Variants in RIT2 observed in about 807,000 individuals in gnomAD.
RIT2 encodes Ras like without CAAX 2, also known as GTP-binding protein Rit2.
A neutral mutation model predicts 23.7 loss-of-function variants in RIT2; 24 were observed. The observed-to-expected ratio is 1.01, with a 90% confidence interval of 0.73 to 1.43. RIT2 has a LOEUF of 1.43. Among genes scored for constraint, RIT2 ranks in the 40% most tolerant of loss-of-function variants. The pLI is 0.00. For synonymous variants in RIT2, 107 were observed against 91.1 expected, an observed-to-expected ratio of 1.17 and a Z score of -0.99; for missense variants, 236 against 266.9, an observed-to-expected ratio of 0.88 and a Z score of 0.81.
At chr18:42,846,292 T>C (rs959635006) in intron 4 of RIT2, among the ~76,000 whole-genome samples, 8 of 151,736 alleles carry the variant, frequency 5.3e-5, no homozygotes. Context: ...AGAAAAATAA[T>C]ACATAAAAGC....
At position 43,045,485 on chromosome 18, in the gene RIT2, G is replaced by T. The variant is rs8098915; in HGVS notation, c.104-11618C>A. On this transcript the variant is annotated intron_variant, in intron 1 of 4. Coordinates refer to ENST00000326695, the MANE Select transcript of RIT2 (RefSeq NM_002930.4). The stretch of plus-strand genomic sequence containing the variant: ...ACTAATGGGCACCAACGTATACCCG[G>T]GGCTGAAGGTTTTACTTTCATTGGT... Among the ~76,000 whole-genome samples the T allele has an allele frequency of 9.2e-5, 14 of 152,110 alleles. No homozygotes were observed. In the East Asian group the frequency reaches 1.6e-3, roughly 17 times the overall value.
At chr18:42,815,927 C>T (rs954903496) in intron 4 of RIT2, among the ~76,000 whole-genome samples, 2 of 152,130 alleles carry the variant, frequency 1.3e-5, no homozygotes, top group Non-Finnish European at 2.9e-5. Flanking sequence ...CAACCATAGA[C>T]TATACATGTT....
At chr18:42,895,948 T>C (rs976029887) in intron 4 of RIT2, among the ~76,000 whole-genome samples, 1 of 152,072 alleles carries the variant, frequency 6.6e-6, no homozygotes, top group African/African-American at 2.4e-5. Context: ...GCAGGTACAG[T>C]AGAAGGCAAT....
At chr18:43,028,221 G>A (rs1911776882) in intron 2 of RIT2, among the ~76,000 whole-genome samples, 1 of 152,050 alleles carries the variant, frequency 6.6e-6, no homozygotes, top group African/African-American at 2.4e-5. Flanking sequence ...TGTTTATGTG[G>A]TAAGCAGTTA....
Position 42,987,075 on chromosome 18 carries a change from T to G in RIT2, c.161-12928A>C, listed in dbSNP as rs72895237. On this transcript the variant is annotated intron_variant, in intron 2 of 4. Transcript: ENST00000326695. ...TTTGGAACTATCAACTAAAGCTGAT[T>G]CTATGTATAACTTATGTGGCAGGCT... Among the ~76,000 whole-genome samples, 1,504 of 152,288 alleles carry G rather than the reference T, an allele frequency of 9.9e-3. 10 individuals are homozygous for G. The highest frequency in any genetic ancestry group is 0.013 in the Non-Finnish European group (858 of 68,022).
At chr18:42,965,711 C>CATTTTTTTTT in intron 3 of RIT2, among the ~76,000 whole-genome samples, 1 of 37,786 alleles carries the variant, frequency 2.6e-5, no homozygotes, top group East Asian at 5.8e-4. Flanking sequence ...GTACTGATGG[C>CATTTTTTTTT]TTTTTTTTTT....
At chr18:42,947,383 A>G (rs1909752530) in intron 3 of RIT2, among the ~76,000 whole-genome samples, 1 of 152,094 alleles carries the variant, frequency 6.6e-6, no homozygotes, top group African/African-American at 2.4e-5. Context: ...TGATCAGTCG[A>G]TTATTTACAA....
chr18:42,912,389 C>T (rs1908792334), intron 4 of RIT2, among the ~76,000 whole-genome samples: 1 of 151,844 alleles, frequency 6.6e-6, no homozygotes, highest in Non-Finnish European at 1.5e-5. Flanking sequence ...TCTTTCCTTA[C>T]ACTTACAGAA....
intron 2 of RIT2, among the ~76,000 whole-genome samples, chr18:42,999,679 G>A (rs1047172858): frequency 6.6e-6 from 1 of 152,004 alleles, no homozygotes; most frequent in Non-Finnish European, 1.5e-5. Flanking sequence ...TGAAATCATT[G>A]AGGATTTTAT....
chr18:42,875,222 G>T (rs1907714100), intron 4 of RIT2, among the ~76,000 whole-genome samples: 1 of 151,632 alleles, frequency 6.6e-6, no homozygotes, highest in Non-Finnish European at 1.5e-5. Flanking sequence ...TTTGAGATAA[G>T]TAACAATGGA....
At chr18:43,097,268 A>C (rs931710557) in intron 1 of RIT2, among the ~76,000 whole-genome samples, 1 of 151,924 alleles carries the variant, frequency 6.6e-6, no homozygotes, top group Non-Finnish European at 1.5e-5. Context: ...AGGGAGCGAC[A>C]ATTTGAGAAG....
At chr18:42,990,129 G>A (rs568653873) in intron 2 of RIT2, among the ~76,000 whole-genome samples, 14 of 151,990 alleles carry the variant, frequency 9.2e-5, no homozygotes, top group South Asian at 2.1e-4. Flanking sequence ...AGCCATTGGT[G>A]TTTTTTGAAA....
chr18:43,082,931 A>G (rs1373771003), intron 1 of RIT2, among the ~76,000 whole-genome samples: 1 of 152,162 alleles, frequency 6.6e-6, no homozygotes, highest in Non-Finnish European at 1.5e-5. Flanking sequence ...GAAGAGAGGA[A>G]GTCAAATTGT....
At chr18:43,041,180 G>A (rs541548385) in intron 1 of RIT2, among the ~76,000 whole-genome samples, 4 of 152,188 alleles carry the variant, frequency 2.6e-5, no homozygotes, top group South Asian at 2.1e-4. Flanking sequence ...GCACATAAAC[G>A]CTTCTTTGAA....
At chr18:43,020,944 T>C (rs192875571) in intron 2 of RIT2, among the ~76,000 whole-genome samples, 15 of 152,110 alleles carry the variant, frequency 9.9e-5, no homozygotes, top group Admixed American at 7.2e-4. Context: ...TCCAGGACAT[T>C]GGACTAGGCA....
chr18:43,069,416 C>T (rs1598770157), intron 1 of RIT2, among the ~76,000 whole-genome samples: 1 of 152,226 alleles, frequency 6.6e-6, no homozygotes, highest in Admixed American at 6.5e-5. Flanking sequence ...GGATCTGGAT[C>T]GGAACCCGTT....
intron 4 of RIT2, among the ~76,000 whole-genome samples, chr18:42,749,501 C>A (rs1912996129): frequency 6.6e-6 from 1 of 151,530 alleles, no homozygotes; most frequent in East Asian, 1.9e-4. Context: ...AACAATTATG[C>A]AATGGAGAAG....
At chr18:42,861,536 A>G (rs1431418305) in intron 4 of RIT2, among the ~76,000 whole-genome samples, 1 of 152,146 alleles carries the variant, frequency 6.6e-6, no homozygotes, top group Non-Finnish European at 1.5e-5. Context: ...CCACCACTCT[A>G]TGCCCCATGG....
intron 4 of RIT2, among the ~76,000 whole-genome samples, chr18:42,841,144 G>T (rs139309033): frequency 6.6e-6 from 1 of 152,290 alleles, no homozygotes; most frequent in East Asian, 1.9e-4. Context: ...TGATGTCAAT[G>T]ATGTTTCATT....
Sources: allele counts gnomAD v4.1 joint callset (sites outside exome capture counted in the v4.1 genomes callset), GRCh38; gene constraint gnomAD v4.1.1; transcripts MANE v1.5; gene names NCBI Gene and HGNC (gene_info 2026-07-23, HGNC 2026-07-21).